PAK5: variants seen among roughly 807,000 people sequenced by gnomAD.
PAK5 encodes serine/threonine-protein kinase PAK 5.
Under a neutral mutation model 65.9 loss-of-function variants are expected in PAK5, and 16 were observed. The ratio of observed to expected loss-of-function variants is 0.24; its 90% CI spans 0.16 to 0.37. The LOEUF (loss-of-function observed/expected upper bound fraction) is 0.37, where lower values mean the gene tolerates loss of function less well. Among genes scored for constraint, PAK5 ranks in the 10% least tolerant of loss-of-function variants. The probability of loss-of-function intolerance (pLI) is 1.00; values close to 1 mark genes in which losing one functional copy is unlikely to be tolerated. For missense variants in PAK5, 785 were observed against 903.9 expected (o/e 0.87, Z 1.69); for synonymous variants, 371 against 354.9 (o/e 1.05, Z -0.51).
chr20:9,538,109 C>A lies in PAK5; in HGVS notation c.*1353G>T, dbSNP rs537581840. The A allele has an allele frequency of 8.6e-6, 2 of 233,200 alleles. No individual in the cohort carries two copies. The highest frequency in any genetic ancestry group is 5.6e-5 in the Admixed American group (1 of 17,776). The allele number at this position is 233,200 out of a possible 1,614,324, so 14.4% of individuals were successfully genotyped here. On this transcript the variant is annotated 3_prime_UTR_variant, in exon 10 of 10. Transcript: ENST00000353224. ...CTCTTCCAGAGTTTTAAAGGCAAAT[C>A]TATATTGGCCTACAGTTAACATGCA...
In PAK5 at chr20:9,737,623, A is replaced by T. The variant is rs192784988; in HGVS notation, c.-161-26188T>A. On this transcript the variant is annotated intron_variant, in intron 1 of 9. Coordinates refer to ENST00000353224, the MANE Select transcript of PAK5 (RefSeq NM_177990.4). ...ATTGCAGTAGTAATTAGTAATAATT[A>T]AAAAAAAGCAAGCAACCCAACTAAA... is the stretch of plus-strand genomic sequence containing the variant. Among the ~76,000 whole-genome samples the T allele has an allele frequency of 7.8e-3, 1,188 of 152,164 alleles. 15 individuals are homozygous for T. The highest frequency in any genetic ancestry group is 0.026 in the African/African-American group (1,096 of 41,546).
intron 2 of PAK5, among the ~76,000 whole-genome samples, chr20:9,674,459 A>G (rs753707526): frequency 3.9e-5 from 6 of 152,236 alleles, no homozygotes; most frequent in Non-Finnish European, 8.8e-5. Context: ...TTTCCCTCTG[A>G]GGTACTTCCC....
intron 7 of PAK5, among the ~76,000 whole-genome samples, chr20:9,557,088 A>G (rs1001673614): frequency 6.6e-6 from 1 of 152,176 alleles, no homozygotes; most frequent in Admixed American, 6.5e-5. Flanking sequence ...ATGGGGTAGT[A>G]GGAGTAATGT....
intron 7 of PAK5, among the ~76,000 whole-genome samples, chr20:9,549,090 T>C (rs1244190552): frequency 6.6e-6 from 1 of 152,168 alleles, no homozygotes; most frequent in African/African-American, 2.4e-5. Flanking sequence ...CATGGTGCCC[T>C]ATTATAAGAG....
At chr20:9,588,542 A>G (rs1427072110) in intron 3 of PAK5, among the ~76,000 whole-genome samples, 1 of 152,204 alleles carries the variant, frequency 6.6e-6, no homozygotes, top group East Asian at 1.9e-4. Context: ...CCAAGGCAGT[A>G]TTTGTTTTGC....
chr20:9,637,716 T>C lies in PAK5; in HGVS notation c.204+6409A>G, dbSNP rs141533792. On this transcript the variant is annotated intron_variant, in intron 3 of 9. Coordinates refer to ENST00000353224, the MANE Select transcript of PAK5 (RefSeq NM_177990.4). ...TTAAGTAAAAAAGCAAGTTAGAGAT[T>C]ATATACATTATGACATCATTTCATA... is the stretch of plus-strand genomic sequence containing the variant. Among the ~76,000 whole-genome samples the C allele has an allele frequency of 3.7e-3, 567 of 152,316 alleles. 7 individuals carry two copies. The highest frequency in any genetic ancestry group is 0.013 in the African/African-American group (538 of 41,556).
chr20:9,675,337 T>C (rs1343625297), intron 2 of PAK5, among the ~76,000 whole-genome samples: 1 of 152,004 alleles, frequency 6.6e-6, no homozygotes, highest in Non-Finnish European at 1.5e-5. Flanking sequence ...AAAATAAGGA[T>C]CATACAGCTT....
intron 2 of PAK5, among the ~76,000 whole-genome samples, chr20:9,707,665 T>C (rs757675934): frequency 2.6e-5 from 4 of 152,166 alleles, no homozygotes; most frequent in African/African-American, 4.8e-5. Context: ...GGCCAGGTCT[T>C]AAGCAGCCGT....
At chr20:9,636,934 G>A (rs547226431) in intron 3 of PAK5, among the ~76,000 whole-genome samples, 3 of 152,110 alleles carry the variant, frequency 2.0e-5, no homozygotes, top group Admixed American at 1.3e-4. Context: ...AATTATTGAG[G>A]ACCTAAAAGA....
chr20:9,645,760 G>A (rs2047126302), intron 2 of PAK5, among the ~76,000 whole-genome samples: 1 of 152,096 alleles, frequency 6.6e-6, no homozygotes, highest in Admixed American at 6.5e-5. Context: ...TAATTTTTCT[G>A]TATTTTTAGT....
intron 2 of PAK5, among the ~76,000 whole-genome samples, chr20:9,671,160 T>A (rs2047491423): frequency 2.6e-5 from 4 of 152,230 alleles, no homozygotes; most frequent in Admixed American, 2.6e-4. Flanking sequence ...AGTAGCATGC[T>A]GTTTGGGTTA....
At chr20:9,801,880 T>G (rs1362068198) in intron 1 of PAK5, among the ~76,000 whole-genome samples, 1 of 152,160 alleles carries the variant, frequency 6.6e-6, no homozygotes, top group Non-Finnish European at 1.5e-5. Flanking sequence ...GTATTGCTAC[T>G]TTATCTGGGA....
intron 1 of PAK5, among the ~76,000 whole-genome samples, chr20:9,834,533 G>C (rs1978994640): frequency 6.6e-6 from 1 of 152,060 alleles, no homozygotes; most frequent in South Asian, 2.1e-4. Flanking sequence ...ACCTAGATAT[G>C]GTGAGAAAGC....
intron 2 of PAK5, among the ~76,000 whole-genome samples, chr20:9,700,435 T>A (rs1184170758): frequency 6.6e-6 from 1 of 152,144 alleles, no homozygotes; most frequent in Non-Finnish European, 1.5e-5. Flanking sequence ...TTCTTATTAT[T>A]GCACAGCATT....
In PAK5 at chr20:9,566,375, C is replaced by T. The variant is rs58486349; in HGVS notation, c.1000G>A (p.Asp334Asn). Residue 334 changes from aspartate to asparagine, a missense_variant, in exon 5 of 10, where the codon GAT becomes AAT. Physicochemically the swap from Asp to Asn is conservative, Grantham distance 23. This residue lies in a region of PAK5 where 422 missense variants were observed against 413.3 expected (regional missense o/e 1.02). Coordinates refer to ENST00000353224, the MANE Select transcript of PAK5 (RefSeq NM_177990.4). The stretch of plus-strand genomic sequence containing the variant: ...GGGCTGAGGACCATCTGTGCTCGAT[C>T]GTAATCCACCTGGGAAGACAGACAT... ...PTMCIPKVDY[D>N]RAQMVLSPPL... 11 of 1,612,556 alleles carry T rather than the reference C, an allele frequency of 6.8e-6. No individual in the cohort carries two copies. The highest frequency in any genetic ancestry group is 2.2e-5 in the East Asian group (1 of 44,852).
Position 9,609,831 on chromosome 20 carries a change from T to C in PAK5, c.205-28901A>G, listed in dbSNP as rs79665319. ...TCCTGTTTAAAATTCAAATGGATCC[T>C]CAAAAATGGTTCCAAATGGAGTGGA... is the stretch of plus-strand genomic sequence containing the variant. On this transcript the variant is annotated intron_variant, in intron 3 of 9. Coordinates refer to ENST00000353224, the MANE Select transcript of PAK5 (RefSeq NM_177990.4). Among the ~76,000 whole-genome samples, 1,106 of 152,216 alleles carry C rather than the reference T, an allele frequency of 7.3e-3. 13 individuals carry two copies. Among genetic ancestry groups the C allele is most frequent in the African/African-American group, 0.026 (1,074 of 41,542 alleles).
chr20:9,731,859 A>G (rs1321249664), intron 1 of PAK5, among the ~76,000 whole-genome samples: 1 of 152,200 alleles, frequency 6.6e-6, no homozygotes, highest in Non-Finnish European at 1.5e-5. Flanking sequence ...CCAAGCAAAT[A>G]ATAAAACACA....
chr20:9,705,092 G>A lies in PAK5; in HGVS notation c.-12+6194C>T, dbSNP rs189274035. On this transcript the variant is annotated intron_variant, in intron 2 of 9. Coordinates refer to ENST00000353224, the MANE Select transcript of PAK5 (RefSeq NM_177990.4). ...GGCACCTAGTGGGTAAAGGCCAAGC[G>A]TGCTGCTAAATGTGCTGCAAGGCAC... Among the ~76,000 whole-genome samples, 11 of 152,268 alleles carry A rather than the reference G, an allele frequency of 7.2e-5. No individual in the cohort carries two copies. In the East Asian group the frequency reaches 1.5e-3, roughly 21 times the overall value.
chr20:9,711,095 T>C (rs1002973968), intron 2 of PAK5, among the ~76,000 whole-genome samples, 191 bp downstream of exon 2: 1 of 152,196 alleles, frequency 6.6e-6, no homozygotes, highest in Non-Finnish European at 1.5e-5. Context: ...CACTTTCCAC[T>C]AGAATGTCAG....
Sources: allele counts gnomAD v4.1 joint callset (sites outside exome capture counted in the v4.1 genomes callset), GRCh38; gene constraint gnomAD v4.1.1; regional missense constraint gnomAD v4.1.1; transcripts MANE v1.5; gene names NCBI Gene and HGNC (gene_info 2026-07-23, HGNC 2026-07-21).